SLC12A6: variants seen among roughly 807,000 people sequenced by gnomAD.
SLC12A6 encodes the protein solute carrier family 12 member 6, also known as K-Cl cotransporter 3.
In SLC12A6, 66 loss-of-function variants were observed where a neutral mutation model predicts 135.3. The ratio of observed to expected loss-of-function variants is 0.49; its 90% CI spans 0.40 to 0.60. SLC12A6 has a LOEUF of 0.60. Among genes scored for constraint, SLC12A6 ranks in the 20% least tolerant of loss-of-function variants. SLC12A6 has a pLI of 0.00. For synonymous variants in SLC12A6, 513 were observed against 508.8 expected (o/e 1.01, Z -0.11); for missense variants, 1,058 against 1,452.3 (o/e 0.73, Z 4.41).
Position 34,233,561 on chromosome 15 carries a change from G to C in SLC12A6, c.*320C>G. On this transcript the variant is annotated 3_prime_UTR_variant, in exon 26 of 26. Coordinates refer to ENST00000354181, the MANE Select transcript of SLC12A6 (RefSeq NM_001365088.1). ...CTTGACTTGCTTTTTTTCTTCAGTT[G>C]AATTTCTAGCATCCCTTTTACCAAT... The C allele has an allele frequency of 3.3e-6, 1 of 305,180 alleles. No homozygotes were observed. Among genetic ancestry groups the C allele is most frequent in the East Asian group, 7.0e-5 (1 of 14,312 alleles). The allele number at this position is 305,180 out of a possible 1,614,324, so 18.9% of individuals were successfully genotyped here.
intron 13 of SLC12A6, among the ~76,000 whole-genome samples, chr15:34,249,633 A>G (rs891313767): frequency 6.6e-6 from 1 of 152,204 alleles, no homozygotes; most frequent in African/African-American, 2.4e-5. Context: ...AGTAAGTTTC[A>G]GGCTTTTATT....
intron 2 of SLC12A6, among the ~76,000 whole-genome samples, chr15:34,333,974 G>A (rs1351468007): frequency 6.6e-6 from 1 of 151,620 alleles, no homozygotes; most frequent in East Asian, 1.9e-4. Flanking sequence ...GGAGGCTGAG[G>A]CAAAAGAATC....
At chr15:34,266,097 A>G (rs747851934) in intron 3 of SLC12A6, among the ~76,000 whole-genome samples, 1 of 151,224 alleles carries the variant, frequency 6.6e-6, no homozygotes, top group Non-Finnish European at 1.5e-5. Context: ...TGGTCCAAGC[A>G]TATCAATAAA....
At chr15:34,286,167 G>A (rs1432664704) in intron 2 of SLC12A6, among the ~76,000 whole-genome samples, 2 of 151,710 alleles carry the variant, frequency 1.3e-5, no homozygotes, top group Non-Finnish European at 2.9e-5. Flanking sequence ...GCCGCCTCCC[G>A]GGTTCAAGCA....
intron 2 of SLC12A6, among the ~76,000 whole-genome samples, chr15:34,281,807 G>C (rs749090166): frequency 3.3e-5 from 5 of 151,812 alleles, no homozygotes; most frequent in African/African-American, 1.2e-4. Context: ...AAATAAATAA[G>C]TAAAAAATAG....
intron 2 of SLC12A6, among the ~76,000 whole-genome samples, chr15:34,312,336 CAT>C (rs1888315642): frequency 6.6e-6 from 1 of 152,102 alleles, no homozygotes. Context: ...TTATACTGAA[CAT>C]GTGTTTGGTG....
At position 34,237,536 on chromosome 15, in the gene SLC12A6, G is replaced by A. The variant is rs1162623476; in HGVS notation, c.2817C>T (p.Cys939=). 1 of 1,611,860 alleles carries A rather than the reference G, an allele frequency of 6.2e-7. No homozygotes were observed. Residue 939 remains cysteine (C), a synonymous_variant, in exon 22 of 26, where the codon TGC becomes TGT. Transcript: ENST00000354181. ...LLKQHKVWRK[C]SIRIFTVAQL... ...GGGCTACTGTGAAGATCCGTATGCT[G>A]CACTTTCGCCACACCTGAGAGAGTG... is the stretch of plus-strand genomic sequence containing the variant.
At chr15:34,333,262 C>T (rs1889979024) in intron 2 of SLC12A6, among the ~76,000 whole-genome samples, 1 of 146,618 alleles carries the variant, frequency 6.8e-6, no homozygotes. Context: ...CAGAGTCTCG[C>T]TCTGTCACCC....
chr15:34,320,700 A>G (rs1889020302), intron 2 of SLC12A6, among the ~76,000 whole-genome samples: 1 of 151,236 alleles, frequency 6.6e-6, no homozygotes, highest in South Asian at 2.1e-4. Context: ...GTGGATCAAG[A>G]GGTCAGGAGA....
intron 2 of SLC12A6, among the ~76,000 whole-genome samples, chr15:34,294,568 T>C (rs1025573555): frequency 6.6e-6 from 1 of 152,088 alleles, no homozygotes; most frequent in Non-Finnish European, 1.5e-5. Context: ...AATACCTTTT[T>C]TTTAATTTTA....
chr15:34,238,505 G>T, intron 20 of SLC12A6, 104 bp from the exon 21 acceptor site: 2 of 861,212 alleles, frequency 2.3e-6, no homozygotes, highest in African/African-American at 1.7e-5. Context: ...CTTTGAGCAA[G>T]GGGTCCTATT....
At chr15:34,329,903 T>C (rs1279671373) in intron 2 of SLC12A6, among the ~76,000 whole-genome samples, 1 of 152,146 alleles carries the variant, frequency 6.6e-6, no homozygotes, top group Non-Finnish European at 1.5e-5. Context: ...TAATCTTGTT[T>C]TGTCTATCTC....
chr15:34,302,005 T>C (rs536514750), intron 2 of SLC12A6, among the ~76,000 whole-genome samples: 3 of 152,400 alleles, frequency 2.0e-5, no homozygotes, highest in East Asian at 3.9e-4. Context: ...AACTGTGTTC[T>C]GAATACATTA....
intron 20 of SLC12A6, 94 bp from the exon 21 acceptor site, chr15:34,238,495 C>T (rs1051984444): frequency 1.0e-6 from 1 of 965,388 alleles, no homozygotes; most frequent in East Asian, 2.5e-5. Flanking sequence ...TTTCACACTT[C>T]TTTGAGCAAG....
Position 34,254,580 on chromosome 15 carries a change from C to T in SLC12A6, c.886G>A (p.Val296Ile), listed in dbSNP as rs202188085. The change falls in exon 9 of 26, where the codon GTC becomes ATC. Residue 296 changes from valine (V) to isoleucine (I), a missense_variant. Coordinates refer to ENST00000354181, the MANE Select transcript of SLC12A6 (RefSeq NM_001365088.1). ...GAIEIFLVYI[V>I]PRAAIFHSDD... ...CTGTGAAAGATGGCAGCTCGGGGGA[C>T]GATATAGACCTGTTAGGTAAAAATA... is the stretch of plus-strand genomic sequence containing the variant. 2.9e-5 allele frequency: 46 copies of T among 1,603,198 alleles called. No homozygotes were observed. Among genetic ancestry groups the T allele is most frequent in the East Asian group, 1.3e-4 (6 of 44,806 alleles).
Position 34,236,109 on chromosome 15 carries a change from C to T in SLC12A6, c.3133G>A (p.Val1045Met). The change falls in exon 24 of 26, where the codon GTG (valine) becomes ATG (methionine). Residue 1045 changes from valine to methionine, a missense_variant. By Grantham distance (21) the Val-to-Met change is conservative. This residue lies in a region of SLC12A6 where 245 missense variants were observed against 440.8 expected (regional missense o/e 0.56). Transcript: ENST00000354181. ...DEETETYQEKVHMTWTKDKYM... is the reference protein window; with the variant it reads ...DEETETYQEKMHMTWTKDKYM... The stretch of plus-strand genomic sequence containing the variant: ...TTGTCTTTTGTCCAAGTCATGTGCA[C>T]CTTCTCCTGATAGGTTTCTGTCTCT... The T allele has an allele frequency of 6.2e-7, 1 of 1,613,734 alleles. No homozygotes were observed. Among genetic ancestry groups the T allele is most frequent in the Non-Finnish European group, 8.5e-7 (1 of 1,179,610 alleles).
chr15:34,245,205 C>G, intron 15 of SLC12A6, 80 bp downstream of exon 15: 1 of 844,594 alleles, frequency 1.2e-6, no homozygotes, highest in Admixed American at 1.7e-5. Flanking sequence ...GTTATCACTA[C>G]TGTTATATGA....
chr15:34,238,307 GC>G lies in SLC12A6; in HGVS notation c.2726del (p.Gly909AlafsTer22). On this transcript the variant is annotated frameshift_variant, in exon 21 of 26. Coordinates refer to ENST00000354181, the MANE Select transcript of SLC12A6 (RefSeq NM_001365088.1). LOFTEE classifies it high-confidence loss of function. ...GCACAATCCACCACACATCAATGTT[GC>G]CCTCAGAAAATTGCTCCACATTGCT... ...FPSNVEQFSE[G>X]NIDVWWIVHD... The G allele has an allele frequency of 6.2e-7, 1 of 1,613,296 alleles. No individual in the cohort carries two copies. Among genetic ancestry groups the G allele is most frequent in the Non-Finnish European group, 8.5e-7 (1 of 1,179,220 alleles).
At chr15:34,319,708 A>G (rs2034068907) in intron 2 of SLC12A6, among the ~76,000 whole-genome samples, 2 of 151,914 alleles carry the variant, frequency 1.3e-5, no homozygotes, top group African/African-American at 4.8e-5. Flanking sequence ...CTGACACAGG[A>G]GAATCCCTTG....
Sources: gnomAD v4.1 joint callset for allele counts (sites outside exome capture counted in the v4.1 genomes callset) on GRCh38, gnomAD v4.1.1 for gene constraint, gnomAD v4.1.1 regional missense constraint, MANE v1.5 for transcripts, NCBI Gene and HGNC (gene_info 2026-07-23, HGNC 2026-07-21) for gene names.